ENTREP2: variants seen among roughly 807,000 people sequenced by gnomAD.
ENTREP2 encodes the protein endosomal transmembrane epsin interactor 2.
chr15:29,641,223 G>A, the ENTREP2 span, among the ~76,000 whole-genome samples: 33 of 152,158 alleles, frequency 2.2e-4, no homozygotes, highest in Admixed American at 2.1e-3. Context: ...ATCATACTTA[G>A]TAGAGAGACT....
chr15:29,194,699 G>A, the ENTREP2 span, among the ~76,000 whole-genome samples: 1 of 152,158 alleles, frequency 6.6e-6, no homozygotes, highest in African/African-American at 2.4e-5. Flanking sequence ...CTAGACCTGA[G>A]ACTGCATTCT....
At chr15:29,349,112 G>A in the ENTREP2 span, among the ~76,000 whole-genome samples, 1 of 152,158 alleles carries the variant, frequency 6.6e-6, no homozygotes, top group Admixed American at 6.5e-5. Context: ...CAGACCCCCC[G>A]AAAGTTCACA....
chr15:29,635,582 CGA>C, the ENTREP2 span, among the ~76,000 whole-genome samples: 1 of 152,100 alleles, frequency 6.6e-6, no homozygotes, highest in South Asian at 2.1e-4. Flanking sequence ...CAAGGAATAG[CGA>C]GAGAAGGCTC....
chr15:29,310,821 A>G, the ENTREP2 span, among the ~76,000 whole-genome samples: 1 of 152,270 alleles, frequency 6.6e-6, no homozygotes, highest in African/African-American at 2.4e-5. Flanking sequence ...TAACAAAGGA[A>G]GGACTCAAAG....
chr15:29,137,012 G>T, the ENTREP2 span: 1 of 1,412,718 alleles, frequency 7.1e-7, no homozygotes, highest in Non-Finnish European at 9.2e-7. Flanking sequence ...TTTCGAGATG[G>T]GGGCAGCCGC....
chr15:29,485,962 A>T, the ENTREP2 span, among the ~76,000 whole-genome samples: 73 of 152,346 alleles, frequency 4.8e-4, no homozygotes, highest in African/African-American at 1.7e-3. Context: ...GATTTCTCAA[A>T]AAAGTAAAAA....
chr15:29,393,478 C>A, the ENTREP2 span, among the ~76,000 whole-genome samples: 1 of 152,194 alleles, frequency 6.6e-6, no homozygotes, highest in Admixed American at 6.5e-5. Flanking sequence ...CCTGACGCTG[C>A]TCCCTGTCAT....
the ENTREP2 span, among the ~76,000 whole-genome samples, chr15:29,409,526 T>C: frequency 6.6e-6 from 1 of 152,098 alleles, no homozygotes; most frequent in Non-Finnish European, 1.5e-5. Flanking sequence ...GGTTTCACCA[T>C]GTTGGCCAGG....
At chr15:29,562,084 C>A in the ENTREP2 span, among the ~76,000 whole-genome samples, 1 of 152,222 alleles carries the variant, frequency 6.6e-6, no homozygotes, top group African/African-American at 2.4e-5. Context: ...TGAGGATAAT[C>A]AGATGGATCC....
the ENTREP2 span, chr15:29,235,130 C>T: frequency 5.3e-5 from 52 of 978,832 alleles, no homozygotes; most frequent in African/African-American, 4.2e-4. Context: ...GGAGCCACCC[C>T]GAGACATGGC....
the ENTREP2 span, among the ~76,000 whole-genome samples, chr15:29,215,804 T>C: frequency 6.6e-6 from 1 of 152,082 alleles, no homozygotes; most frequent in Admixed American, 6.5e-5. Flanking sequence ...TGGGTGAGTC[T>C]CCTGAAGGCA....
the ENTREP2 span, among the ~76,000 whole-genome samples, chr15:29,396,171 TAAGTA>T: frequency 6.6e-6 from 1 of 152,180 alleles, no homozygotes; most frequent in Non-Finnish European, 1.5e-5. Context: ...ACATTATTAT[TAAGTA>T]TAGTCACTAT....
At chr15:29,390,593 G>C in the ENTREP2 span, among the ~76,000 whole-genome samples, 8,671 of 152,208 alleles carry the variant, frequency 0.057, 338 homozygotes, top group African/African-American at 0.074. Flanking sequence ...AGAACTTCCT[G>C]CTGTTGAGGC....
At chr15:29,296,967 T>C in the ENTREP2 span, among the ~76,000 whole-genome samples, 18,589 of 152,158 alleles carry the variant, frequency 0.12, 1,548 homozygotes, top group African/African-American at 0.24. Flanking sequence ...AAGAAATATA[T>C]GTCACAGACC....
the ENTREP2 span, among the ~76,000 whole-genome samples, chr15:29,291,688 TCTC>T: frequency 6.6e-6 from 1 of 152,212 alleles, no homozygotes; most frequent in African/African-American, 2.4e-5. Context: ...CATCTGTTCA[TCTC>T]CTCTTTGTGA....
chr15:29,326,950 T>G, the ENTREP2 span, among the ~76,000 whole-genome samples: 1 of 152,078 alleles, frequency 6.6e-6, no homozygotes, highest in African/African-American at 2.4e-5. Flanking sequence ...AACAAAGTCA[T>G]TCAATGGAAA....
the ENTREP2 span, among the ~76,000 whole-genome samples, chr15:29,520,457 A>G: frequency 6.6e-6 from 1 of 152,200 alleles, no homozygotes; most frequent in South Asian, 2.1e-4. Context: ...TCATGCTTCC[A>G]AAATTATCTA....
At chr15:29,137,804 C>A in the ENTREP2 span, among the ~76,000 whole-genome samples, 77 of 152,222 alleles carry the variant, frequency 5.1e-4, no homozygotes, top group African/African-American at 1.6e-3. Context: ...CCATTGCACT[C>A]CAGCCTAGGC....
chr15:29,643,911 T>C, the ENTREP2 span, among the ~76,000 whole-genome samples: 2 of 152,086 alleles, frequency 1.3e-5, no homozygotes, highest in African/African-American at 4.8e-5. Context: ...ATGGTTACCA[T>C]ATACCCCAGT....
Sources: gnomAD v4.1 joint callset for allele counts (sites outside exome capture counted in the v4.1 genomes callset) on GRCh38, gnomAD v4.1.1 for gene constraint, MANE v1.5 for transcripts, NCBI Gene and HGNC (gene_info 2026-07-23, HGNC 2026-07-21) for gene names.